The following ERC1 variants were observed in gnomAD, a reference collection of about 807,000 sequenced individuals.
ERC1 encodes the protein RAB6 interacting protein 2.
ERC1 carries 56 observed loss-of-function variants against 132.0 expected under a neutral mutation model. The ratio of observed to expected loss-of-function variants is 0.42; its 90% confidence interval spans 0.34 to 0.53. ERC1 has a LOEUF of 0.53. Ranked by LOEUF, ERC1 falls within the 20% of genes least tolerant of loss-of-function variation. The probability of loss-of-function intolerance (pLI) is 0.03; values close to 1 mark genes in which losing one functional copy is unlikely to be tolerated. For missense variants in ERC1, 1,202 were observed against 1,349.9 expected (o/e 0.89, Z 1.72); for synonymous variants, 478 against 476.1 (o/e 1.00, Z -0.05).
chr12:1,342,482 AC>A (rs1344371074), intron 15 of ERC1, among the ~76,000 whole-genome samples: 16 of 151,280 alleles, frequency 1.1e-4, no homozygotes, highest in Admixed American at 3.3e-4. Flanking sequence ...AAAAAAAAAA[AC>A]AAAAAAAAGA....
At chr12:1,474,529 G>C (rs2093931836) in intron 18 of ERC1, among the ~76,000 whole-genome samples, 1 of 152,156 alleles carries the variant, frequency 6.6e-6, no homozygotes, top group Non-Finnish European at 1.5e-5. Context: ...AGTTCTGGTA[G>C]CTCTCTCTAA....
intron 14 of ERC1, among the ~76,000 whole-genome samples, chr12:1,274,419 A>G (rs7308451): frequency 0.031 from 4,692 of 152,260 alleles, 243 homozygotes; most frequent in African/African-American, 0.11. Context: ...AGTGTGTAAC[A>G]GGGGACCTTA....
At chr12:1,018,728 T>G (rs549102921) in intron 1 of ERC1, among the ~76,000 whole-genome samples, 175 of 152,356 alleles carry the variant, frequency 1.1e-3, no homozygotes, top group Admixed American at 1.5e-3. Context: ...GGCAAACACT[T>G]ACTGCCTGCT....
intron 7 of ERC1, among the ~76,000 whole-genome samples, chr12:1,117,822 A>G (rs1946613645): frequency 6.6e-6 from 1 of 152,212 alleles, no homozygotes; most frequent in Non-Finnish European, 1.5e-5. Context: ...GATGATCTGC[A>G]TTTTCTTACT....
At chr12:1,199,299 A>T (rs1956667560) in intron 12 of ERC1, among the ~76,000 whole-genome samples, 1 of 152,188 alleles carries the variant, frequency 6.6e-6, no homozygotes, top group African/African-American at 2.4e-5. Context: ...GTTCAACATG[A>T]GATTTGGGTG....
chr12:1,140,390 G>A (rs982881431), intron 7 of ERC1, among the ~76,000 whole-genome samples: 1 of 152,136 alleles, frequency 6.6e-6, no homozygotes, highest in Non-Finnish European at 1.5e-5. Context: ...TTCAGAGTTT[G>A]AGTTTGGGAA....
At chr12:1,347,781 A>C (rs778267460) in intron 15 of ERC1, among the ~76,000 whole-genome samples, 1 of 152,044 alleles carries the variant, frequency 6.6e-6, no homozygotes, top group Non-Finnish European at 1.5e-5. Flanking sequence ...TCAGGAGTTT[A>C]AGACCAGCCT....
intron 12 of ERC1, among the ~76,000 whole-genome samples, chr12:1,212,236 G>A (rs1030523991): frequency 7.2e-5 from 11 of 152,020 alleles, no homozygotes; most frequent in African/African-American, 1.9e-4. Flanking sequence ...CCAACTTTAA[G>A]CTATAGTCAT....
intron 17 of ERC1, among the ~76,000 whole-genome samples, chr12:1,440,398 G>C (rs936397536): frequency 2.7e-5 from 4 of 150,262 alleles, no homozygotes; most frequent in African/African-American, 9.9e-5. Context: ...AGTAGAGACG[G>C]GGTTTCACCG....
chr12:1,092,001 CTTTTTTT>C (rs34377863), intron 3 of ERC1, among the ~76,000 whole-genome samples: 1 of 138,104 alleles, frequency 7.2e-6, no homozygotes, highest in Non-Finnish European at 1.6e-5. Context: ...TTAATCAATT[CTTTTTTT>C]TTTTTTTTGA....
At chr12:1,456,667 ATTG>A (rs2093543481) in intron 18 of ERC1, among the ~76,000 whole-genome samples, 1 of 151,908 alleles carries the variant, frequency 6.6e-6, no homozygotes, top group African/African-American at 2.4e-5. Context: ...TATTTATAAT[ATTG>A]TTGTAATGTG....
At chr12:1,010,667 C>T (rs1964534131) in intron 1 of ERC1, among the ~76,000 whole-genome samples, 1 of 151,628 alleles carries the variant, frequency 6.6e-6, no homozygotes, top group Admixed American at 6.6e-5. Context: ...TGTACCAGCA[C>T]ACCTGGCTAA....
Position 1,405,442 on chromosome 12 carries a change from G to A in ERC1, c.2926-2707G>A, listed in dbSNP as rs145360339. 4.8e-3 allele frequency among the ~76,000 whole-genome samples: 735 copies of A among 152,154 alleles called. 10 individuals are homozygous for A. Among genetic ancestry groups the A allele is most frequent in the African/African-American group, 0.016 (685 of 41,526 alleles). On this transcript the variant is annotated intron_variant, in intron 16 of 18. Transcript: ENST00000360905. Reference sequence around the variant, plus strand: ...CAGGGGACCAGGCACAGTTGCTCACGCCTGTAATCCCAGCACTTTGGGAGG... The same window carrying A: ...CAGGGGACCAGGCACAGTTGCTCACACCTGTAATCCCAGCACTTTGGGAGG...
In ERC1 at chr12:1,480,860, A is replaced by G. The variant is rs777086856; in HGVS notation, c.3214-9233A>G. 3 of 702,518 alleles carry G rather than the reference A, an allele frequency of 4.3e-6. No individual in the cohort carries two copies. The South Asian group carries it at 4.4e-5, about 10-fold the overall frequency. The allele number at this position is 702,518 out of a possible 1,614,324, so 43.5% of individuals were successfully genotyped here. A position where few individuals can be genotyped will look rare whatever the true frequency, so the allele number is the denominator to read the frequency against. On this transcript the variant is annotated intron_variant, in intron 18 of 18. Transcript: ENST00000360905. ...ATCCACAGAATCCGTTGCATCCCAA[A>G]GCCATGGAAAAACTGCCTTTTTTCA...
Position 1,490,360 on chromosome 12 carries a change from A to C in ERC1, c.*130A>C. On this transcript the variant is annotated 3_prime_UTR_variant, in exon 19 of 19. Transcript: ENST00000360905. ...TCATCCCAACTTGCTCACTTGAAGA[A>C]GTGTGATTCCAGCACCGTTTCTACA... 1 of 877,450 alleles carries C rather than the reference A, an allele frequency of 1.1e-6. No homozygotes were observed. Among genetic ancestry groups the C allele is most frequent in the Non-Finnish European group, 1.7e-6 (1 of 581,656 alleles). The allele number at this position is 877,450 out of a possible 1,614,324, so 54.4% of individuals were successfully genotyped here. A position where few individuals can be genotyped will look rare whatever the true frequency, so the allele number is the denominator to read the frequency against.
chr12:1,219,922 C>T (rs1226297451), intron 12 of ERC1, among the ~76,000 whole-genome samples: 1 of 152,212 alleles, frequency 6.6e-6, no homozygotes, highest in Non-Finnish European at 1.5e-5. Flanking sequence ...TAAAACCTTC[C>T]TGTGTTCTCC....
At chr12:1,029,826 C>T (rs1370594579) in intron 2 of ERC1, among the ~76,000 whole-genome samples, 1 of 146,560 alleles carries the variant, frequency 6.8e-6, no homozygotes, top group African/African-American at 2.5e-5. Context: ...CAGTTCGCTG[C>T]AACCTCCACC....
chr12:1,061,994 T>A (rs994350073), intron 2 of ERC1, among the ~76,000 whole-genome samples: 1 of 141,762 alleles, frequency 7.1e-6, no homozygotes, highest in African/African-American at 2.6e-5. Flanking sequence ...TTCTTCTTTT[T>A]TTTTTTTTTT....
intron 12 of ERC1, among the ~76,000 whole-genome samples, chr12:1,221,168 C>T (rs1958949078): frequency 6.6e-6 from 1 of 152,074 alleles, no homozygotes; most frequent in Admixed American, 6.6e-5. Flanking sequence ...TGTTCACGGC[C>T]ATATTTTCGA....
Sources: allele counts gnomAD v4.1 joint callset (sites outside exome capture counted in the v4.1 genomes callset), GRCh38; gene constraint gnomAD v4.1.1; transcripts MANE v1.5; gene names NCBI Gene and HGNC (gene_info 2026-07-23, HGNC 2026-07-21).